KIAA1217: variants seen among roughly 807,000 people sequenced by gnomAD.
KIAA1217 encodes the protein sickle tail protein homolog.
Under a neutral mutation model 163.9 loss-of-function variants are expected in KIAA1217, and 88 were observed. That is an observed-to-expected ratio of 0.54 (90% CI 0.45 to 0.64). KIAA1217 has a LOEUF of 0.64. Ranked by LOEUF, KIAA1217 falls within the 30% of genes least tolerant of loss-of-function variation. The probability of loss-of-function intolerance (pLI) is 0.00; values close to 1 mark genes in which losing one functional copy is unlikely to be tolerated. For missense variants in KIAA1217, 2,372 were observed against 2,475.0 expected, an observed-to-expected ratio of 0.96 and a Z score of 0.88; for synonymous variants, 903 against 923.1, an observed-to-expected ratio of 0.98 and a Z score of 0.39.
chr10:24,369,501 A>C (rs1167907029), intron 2 of KIAA1217, among the ~76,000 whole-genome samples: 2 of 152,068 alleles, frequency 1.3e-5, no homozygotes, highest in Non-Finnish European at 2.9e-5. Context: ...TTTGCTAGCA[A>C]GGAAAGCCTC....
chr10:24,315,149 T>G (rs990787231), intron 2 of KIAA1217, among the ~76,000 whole-genome samples: 3 of 152,014 alleles, frequency 2.0e-5, no homozygotes, highest in Non-Finnish European at 4.4e-5. Context: ...CATAGGAAGC[T>G]TCCAAAGAGA....
chr10:24,405,103 A>G (rs1564624278), intron 3 of KIAA1217, among the ~76,000 whole-genome samples: 1 of 152,174 alleles, frequency 6.6e-6, no homozygotes, highest in Non-Finnish European at 1.5e-5. Flanking sequence ...GTATAGAGCA[A>G]CATAAAATTA....
chr10:24,466,740 G>A (rs555719801), intron 5 of KIAA1217: 169 of 985,328 alleles, frequency 1.7e-4, no homozygotes, highest in Non-Finnish European at 2.0e-4. Context: ...GGACCTGAGC[G>A]AATGTGCTTA....
chr10:24,110,098 T>G (rs1053858870), intron 2 of KIAA1217, among the ~76,000 whole-genome samples: 1 of 152,198 alleles, frequency 6.6e-6, no homozygotes, highest in Non-Finnish European at 1.5e-5. Context: ...TAACTATAGA[T>G]GAGAATGGAC....
At chr10:24,291,491 T>C (rs1826894340) in intron 2 of KIAA1217, among the ~76,000 whole-genome samples, 2 of 152,118 alleles carry the variant, frequency 1.3e-5, no homozygotes, top group Admixed American at 1.3e-4. Flanking sequence ...GATCGCACCA[T>C]TGCACTCCAG....
intron 1 of KIAA1217, among the ~76,000 whole-genome samples, chr10:23,860,066 T>C (rs1839881966): frequency 6.6e-6 from 1 of 152,150 alleles, no homozygotes. Flanking sequence ...AATATTGATG[T>C]GCCCAAGCTA....
chr10:24,130,282 T>G (rs185639137), intron 2 of KIAA1217, among the ~76,000 whole-genome samples: 12 of 152,338 alleles, frequency 7.9e-5, no homozygotes, highest in Non-Finnish European at 1.5e-4. Context: ...TTATTTGAAG[T>G]GCTACTAGCT....
chr10:24,355,051 T>C (rs1320229663), intron 2 of KIAA1217, among the ~76,000 whole-genome samples: 1 of 152,238 alleles, frequency 6.6e-6, no homozygotes, highest in Non-Finnish European at 1.5e-5. Flanking sequence ...TATTTTTGGC[T>C]GTCTCCAGAG....
intron 1 of KIAA1217, among the ~76,000 whole-genome samples, chr10:23,715,531 T>C (rs1163704988): frequency 1.3e-5 from 2 of 152,208 alleles, no homozygotes; most frequent in Non-Finnish European, 2.9e-5. Flanking sequence ...ATGGTAAAAG[T>C]TGTATCAATT....
chr10:24,086,354 G>A (rs996363626), intron 2 of KIAA1217, among the ~76,000 whole-genome samples: 5 of 152,128 alleles, frequency 3.3e-5, no homozygotes, highest in African/African-American at 7.2e-5. Flanking sequence ...ACAGACACTC[G>A]TTCATTATCA....
chr10:23,782,369 T>C (rs930898934), intron 1 of KIAA1217, among the ~76,000 whole-genome samples: 1 of 152,220 alleles, frequency 6.6e-6, no homozygotes, highest in Admixed American at 6.5e-5. Flanking sequence ...GGTGGGTTGT[T>C]ACTGGTGTAA....
chr10:24,230,502 G>GTTTTTTT (rs71397936), intron 2 of KIAA1217, among the ~76,000 whole-genome samples: 1,804 of 90,440 alleles, frequency 0.02, 22 homozygotes, highest in Non-Finnish European at 0.021. Flanking sequence ...TATTTGTTTT[G>GTTTTTTT]TTTTTTTTTT....
At chr10:24,397,908 G>A (rs565336430) in intron 3 of KIAA1217, among the ~76,000 whole-genome samples, 1 of 152,160 alleles carries the variant, frequency 6.6e-6, no homozygotes, top group Non-Finnish European at 1.5e-5. Flanking sequence ...GAGTAATCAG[G>A]ATCATCTCAT....
chr10:23,982,917 G>A (rs537598812), intron 1 of KIAA1217, among the ~76,000 whole-genome samples: 15 of 151,990 alleles, frequency 9.9e-5, no homozygotes, highest in East Asian at 3.9e-4. Context: ...TATGATATCC[G>A]GTTTATTTTT....
chr10:24,053,147 C>T (rs1849637356), intron 2 of KIAA1217, among the ~76,000 whole-genome samples: 1 of 152,002 alleles, frequency 6.6e-6, no homozygotes, highest in African/African-American at 2.4e-5. Context: ...AATTTTGTTC[C>T]CCGTGTTTCC....
intron 3 of KIAA1217, among the ~76,000 whole-genome samples, chr10:24,402,659 T>C (rs1468170298): frequency 6.6e-6 from 1 of 152,148 alleles, no homozygotes; most frequent in East Asian, 1.9e-4. Flanking sequence ...CTTTGTAGTA[T>C]TGGCAGACAC....
At chr10:24,465,334 C>A (rs1023514124) in intron 5 of KIAA1217, among the ~76,000 whole-genome samples, 4 of 152,184 alleles carry the variant, frequency 2.6e-5, no homozygotes, top group African/African-American at 9.7e-5. Flanking sequence ...CTCCATTTGC[C>A]CCCTTCTTTA....
chr10:23,873,251 A>G (rs1409255466), intron 1 of KIAA1217, among the ~76,000 whole-genome samples: 1 of 152,060 alleles, frequency 6.6e-6, no homozygotes, highest in East Asian at 1.9e-4. Flanking sequence ...TCATTCTCTT[A>G]ATCCCATGTT....
intron 2 of KIAA1217, among the ~76,000 whole-genome samples, chr10:24,235,382 GGT>G (rs1491520049): frequency 6.6e-6 from 1 of 152,130 alleles, no homozygotes; most frequent in Non-Finnish European, 1.5e-5. Flanking sequence ...AAAGATCAAG[GGT>G]TTAGCATTAG....
Sources: gnomAD v4.1 joint callset for allele counts (sites outside exome capture counted in the v4.1 genomes callset) on GRCh38, gnomAD v4.1.1 for gene constraint, MANE v1.5 for transcripts, NCBI Gene and HGNC (gene_info 2026-07-23, HGNC 2026-07-21) for gene names.